Variants in AMOTL1 observed in about 807,000 individuals in gnomAD.
AMOTL1 encodes the protein angiomotin-like protein 1.
AMOTL1 carries 45 observed loss-of-function variants against 102.9 expected under a neutral mutation model. The observed-to-expected ratio is 0.44, with a 90% confidence interval of 0.34 to 0.56. The LOEUF (loss-of-function observed/expected upper bound fraction) is 0.56, where lower values mean the gene tolerates loss of function less well. AMOTL1 is among the 20% of genes least tolerant of loss of function. The pLI, the probability that AMOTL1 is intolerant of heterozygous loss-of-function variation, is 0.01. For synonymous variants in AMOTL1, 481 were observed against 484.7 expected, an observed-to-expected ratio of 0.99 and a Z score of 0.10; for missense variants, 1,114 against 1,225.6, an observed-to-expected ratio of 0.91 and a Z score of 1.36.
At chr11:94,739,300 C>T (rs12419958) in intron 2 of AMOTL1, among the ~76,000 whole-genome samples, 5,577 of 152,130 alleles carry the variant, frequency 0.037, 293 homozygotes, top group East Asian at 0.17. Flanking sequence ...AGTGCAAACC[C>T]TCACCCAAAC....
chr11:94,809,609 C>G (rs2135593474), intron 3 of AMOTL1, among the ~76,000 whole-genome samples: 1 of 152,312 alleles, frequency 6.6e-6, no homozygotes, highest in South Asian at 2.1e-4. Flanking sequence ...CTTCTATCAT[C>G]CATTAGCAGT....
chr11:94,821,608 G>A lies in AMOTL1; in HGVS notation c.1200G>A (p.Gly400=), dbSNP rs768114027. Residue 400 remains glycine, a synonymous_variant, in exon 4 of 13, where the codon GGG becomes GGA. Coordinates refer to ENST00000433060, the MANE Select transcript of AMOTL1 (RefSeq NM_130847.3). ...CCTCCCAGACCTCTTCCGCCAGCGG[G>A]CCACTGCACTCTGTCTCCCTGCCGC... ...PMSSQTSSAS[G]PLHSVSLPLP... 1 of 1,613,766 alleles carries A rather than the reference G, an allele frequency of 6.2e-7. No homozygotes were observed. The highest frequency in any genetic ancestry group is 1.1e-5 in the South Asian group (1 of 91,040).
intron 11 of AMOTL1, 71 bp from the exon 12 acceptor site, chr11:94,869,127 A>G (rs1952941343): frequency 6.9e-7 from 1 of 1,444,702 alleles, no homozygotes; most frequent in Non-Finnish European, 9.2e-7. Context: ...CAAGGAACAG[A>G]TCTGCAAGAC....
chr11:94,856,539 C>T (rs549722642), intron 8 of AMOTL1, among the ~76,000 whole-genome samples: 98 of 152,200 alleles, frequency 6.4e-4, no homozygotes, highest in African/African-American at 2.0e-3. Flanking sequence ...TCAGCCTGTC[C>T]GGGAAAGGGG....
At chr11:94,719,898 T>TA (rs1474190229) in intron 1 of AMOTL1, among the ~76,000 whole-genome samples, 2 of 152,202 alleles carry the variant, frequency 1.3e-5, no homozygotes, top group East Asian at 3.9e-4. Context: ...TTTTAAGAAA[T>TA]ACGGGCACCC....
At chr11:94,816,576 T>C (rs1265925998) in intron 3 of AMOTL1, among the ~76,000 whole-genome samples, 1 of 152,330 alleles carries the variant, frequency 6.6e-6, no homozygotes, top group African/African-American at 2.4e-5. Flanking sequence ...GCCATTGTTA[T>C]TAAGTTTTGG....
chr11:94,850,079 T>C, intron 6 of AMOTL1, 35 bp from the exon 7 acceptor site: 2 of 1,560,768 alleles, frequency 1.3e-6, no homozygotes, highest in Non-Finnish European at 1.7e-6. Context: ...GTGCAATTTC[T>C]GATAGAGGTA....
At chr11:94,745,713 A>G (rs746720585) in intron 3 of AMOTL1, among the ~76,000 whole-genome samples, 1 of 152,212 alleles carries the variant, frequency 6.6e-6, no homozygotes, top group Non-Finnish European at 1.5e-5. Context: ...AAGTCCATGT[A>G]TTGAATGTGC....
intron 1 of AMOTL1, among the ~76,000 whole-genome samples, chr11:94,783,027 T>G (rs1951134370): frequency 6.6e-6 from 1 of 152,200 alleles, no homozygotes; most frequent in Non-Finnish European, 1.5e-5. Flanking sequence ...TTAGCTCACA[T>G]TAACAATAAC....
chr11:94,746,409 C>G (rs1194073154), intron 3 of AMOTL1, among the ~76,000 whole-genome samples: 1 of 152,190 alleles, frequency 6.6e-6, no homozygotes, highest in Non-Finnish European at 1.5e-5. Context: ...CCTTGACTGA[C>G]TCTCCTCTAC....
At chr11:94,723,743 C>T (rs1950211547) in intron 1 of AMOTL1, among the ~76,000 whole-genome samples, 2 of 151,798 alleles carry the variant, frequency 1.3e-5, no homozygotes, top group Admixed American at 6.6e-5. Flanking sequence ...ATTTCATGTA[C>T]TTTTATTCAT....
intron 1 of AMOTL1, among the ~76,000 whole-genome samples, chr11:94,713,811 G>A (rs894429523): frequency 6.6e-6 from 1 of 151,304 alleles, no homozygotes; most frequent in Non-Finnish European, 1.5e-5. Context: ...TAAATTCCTT[G>A]GGATTTTCTA....
At chr11:94,852,866 TATAAA>T (rs1337672012) in intron 7 of AMOTL1, among the ~76,000 whole-genome samples, 2 of 152,210 alleles carry the variant, frequency 1.3e-5, no homozygotes. Flanking sequence ...CACATACATA[TATAAA>T]TACATACCTA....
At chr11:94,768,954 C>T (rs1243530391) in intron 1 of AMOTL1, among the ~76,000 whole-genome samples, 3 of 152,046 alleles carry the variant, frequency 2.0e-5, no homozygotes, top group Non-Finnish European at 4.4e-5. Flanking sequence ...GTGTCCGGTG[C>T]AGCTTTCCCC....
At chr11:94,869,828 C>T (rs1310906624) in intron 12 of AMOTL1, among the ~76,000 whole-genome samples, 1 of 152,190 alleles carries the variant, frequency 6.6e-6, no homozygotes, top group African/African-American at 2.4e-5. Context: ...ATCAAAGGCA[C>T]AAGTTCACTG....
intron 3 of AMOTL1, among the ~76,000 whole-genome samples, chr11:94,749,187 G>A (rs1247244963): frequency 6.6e-6 from 1 of 152,214 alleles, no homozygotes; most frequent in Admixed American, 6.5e-5. Flanking sequence ...GGAACATGAT[G>A]ATGTAACTCT....
At chr11:94,758,179 T>C (rs1950749676) in intron 3 of AMOTL1, among the ~76,000 whole-genome samples, 1 of 152,224 alleles carries the variant, frequency 6.6e-6, no homozygotes, top group Non-Finnish European at 1.5e-5. Context: ...ACACAGTTAT[T>C]AGCTAAAAAA....
At chr11:94,806,466 G>T (rs1443822491) in intron 3 of AMOTL1, among the ~76,000 whole-genome samples, 2 of 152,172 alleles carry the variant, frequency 1.3e-5, no homozygotes, top group Non-Finnish European at 2.9e-5. Flanking sequence ...GGGATGAAAA[G>T]GTAAGCCAGA....
intron 4 of AMOTL1, among the ~76,000 whole-genome samples, chr11:94,829,595 G>A (rs956952646): frequency 1.3e-5 from 2 of 152,108 alleles, no homozygotes; most frequent in Non-Finnish European, 2.9e-5. Context: ...TGTTCCTTTG[G>A]GGACAGATAG....
Sources: gnomAD v4.1 joint callset for allele counts (sites outside exome capture counted in the v4.1 genomes callset) on GRCh38, gnomAD v4.1.1 for gene constraint, MANE v1.5 for transcripts, NCBI Gene and HGNC (gene_info 2026-07-23, HGNC 2026-07-21) for gene names.